CA5B: variants seen among roughly 807,000 people sequenced by gnomAD.
The protein encoded by CA5B is carbonic anhydrase 5B, mitochondrial.
CA5B carries 15 observed loss-of-function variants against 23.1 expected under a neutral mutation model. The ratio of observed to expected loss-of-function variants is 0.65; its 90% CI spans 0.43 to 1.00. The LOEUF (loss-of-function observed/expected upper bound fraction) is 1.00. CA5B is among the 50% of genes least tolerant of loss of function. The pLI is 0.00. For missense variants in CA5B, 236 were observed against 252.2 expected (o/e 0.94, Z 0.43); for synonymous variants, 84 against 98.5 (o/e 0.85, Z 0.87).
At chrX:15,772,112 CTG>C (rs1931831968) in intron 3 of CA5B, among the ~76,000 whole-genome samples, 1 of 111,994 alleles carries the variant, frequency 8.9e-6, no homozygotes, top group Admixed American at 9.5e-5. Context: ...AGCAAAGTGT[CTG>C]TGCATAAAAA....
chrX:15,756,209 T>C (rs754129033), intron 2 of CA5B, among the ~76,000 whole-genome samples: 1 of 112,568 alleles, frequency 8.9e-6, no homozygotes, highest in African/African-American at 3.2e-5. Context: ...TAGGTGAACC[T>C]AAGAAGTGTT....
At chrX:15,739,119 T>C (rs1228707628) in intron 1 of CA5B, among the ~76,000 whole-genome samples, 2 of 112,355 alleles carry the variant, frequency 1.8e-5, no homozygotes, top group Admixed American at 1.9e-4. Flanking sequence ...TCAGTGCCCT[T>C]CCCTCCTGTG....
At chrX:15,777,618 C>T (rs773922100) in intron 7 of CA5B, among the ~76,000 whole-genome samples, 3 of 111,826 alleles carry the variant, frequency 2.7e-5, no homozygotes, top group Non-Finnish European at 5.6e-5. Flanking sequence ...AAGAAATATA[C>T]ACTTTGTCCA....
intron 2 of CA5B, chrX:15,750,432 G>T (rs184104797): frequency 8.0e-6 from 2 of 249,867 alleles, no homozygotes; most frequent in East Asian, 1.3e-4. Flanking sequence ...GTTCTTTCTT[G>T]ACTAATTTTA....
At chrX:15,770,668 G>A (rs1931798939) in intron 3 of CA5B, among the ~76,000 whole-genome samples, 1 of 110,993 alleles carries the variant, frequency 9.0e-6, no homozygotes, top group Admixed American at 9.6e-5. Context: ...TCTTGCTGAG[G>A]TTACCAGTGA....
intron 1 of CA5B, among the ~76,000 whole-genome samples, chrX:15,740,802 G>A (rs1045558647): frequency 3.7e-4 from 42 of 112,648 alleles, no homozygotes; most frequent in Non-Finnish European, 6.8e-4. Context: ...ACGCCTGTAC[G>A]CCTGTAATCC....
intron 7 of CA5B, among the ~76,000 whole-genome samples, chrX:15,781,323 A>G (rs1484923150): frequency 3.6e-5 from 4 of 111,996 alleles, no homozygotes; most frequent in Non-Finnish European, 7.5e-5. Flanking sequence ...CCAAGGGGCT[A>G]CTGGTTGATA....
At chrX:15,774,113 T>C (rs1279099437) in intron 4 of CA5B, among the ~76,000 whole-genome samples, 189 bp from the exon 5 acceptor site, 3 of 111,991 alleles carry the variant, frequency 2.7e-5, no homozygotes, top group Non-Finnish European at 3.8e-5. Flanking sequence ...TAATATTAAT[T>C]GCTGCTCTTG....
chrX:15,774,328 C>G lies in CA5B; in HGVS notation c.486C>G (p.Val162=). The change falls in exon 5 of 8, where the codon GTC becomes GTG. Residue 162 remains valine, a synonymous_variant. Coordinates refer to ENST00000318636, the MANE Select transcript of CA5B (RefSeq NM_007220.4). ...TGCACTTAGTGCATTGGAACGCAGT[C>G]AGATTTGAAAACTTTGAGGATGCAG... The part of the protein sequence containing the change: ...AELHLVHWNA[V]RFENFEDAAL... The G allele has an allele frequency of 1.7e-6, 2 of 1,209,668 alleles. No homozygotes were observed. The highest frequency in any genetic ancestry group is 1.7e-5 in the African/African-American group (1 of 57,338).
rs566336394 is a variant in CA5B, at chrX:15,752,320, C to G, written c.142+2155C>G. Among the ~76,000 whole-genome samples, 7 of 111,602 alleles carry G rather than the reference C, an allele frequency of 6.3e-5. No homozygotes were observed. The South Asian group carries it at 2.6e-3, about 41-fold the overall frequency. Reference sequence around the variant, plus strand: ...ACTTTCCAAGCTGACTTTGGCATAACATTACAAGACAAAGAAGAAAATCAA... The same window carrying G: ...ACTTTCCAAGCTGACTTTGGCATAAGATTACAAGACAAAGAAGAAAATCAA... On this transcript the variant is annotated intron_variant, in intron 2 of 7. Transcript: ENST00000318636.
intron 6 of CA5B, among the ~76,000 whole-genome samples, chrX:15,776,513 T>C (rs767884915): frequency 7.6e-4 from 84 of 111,119 alleles, no homozygotes; most frequent in Non-Finnish European, 7.4e-4. Context: ...ATATAAAAAA[T>C]GCACAGTTAA....
In CA5B at chrX:15,754,806, C is replaced by A. The variant is rs1204939172; in HGVS notation, c.142+4641C>A. On this transcript the variant is annotated intron_variant, in intron 2 of 7. Transcript: ENST00000318636. ...TCCAATGATTCTTAATGTTGATGAT[C>A]TCCGTACTTGTAGAAGAAAGATAAA... 8.9e-5 allele frequency among the ~76,000 whole-genome samples: 10 copies of A among 112,155 alleles called. No homozygotes were observed. The East Asian group carries it at 2.8e-3, about 31-fold the overall frequency.
chrX:15,754,974 A>G (rs1931459206), intron 2 of CA5B, among the ~76,000 whole-genome samples: 2 of 112,385 alleles, frequency 1.8e-5, no homozygotes, highest in Admixed American at 9.4e-5. Context: ...GGACATTTCT[A>G]TCATCAGAGA....
chrX:15,740,924 C>G (rs755361517), intron 1 of CA5B, among the ~76,000 whole-genome samples: 1 of 111,035 alleles, frequency 9.0e-6, no homozygotes, highest in African/African-American at 3.3e-5. Context: ...ATTAGCTGGA[C>G]GTGGTGGTAC....
At chrX:15,762,668 G>A (rs1931628186) in intron 2 of CA5B, 1 of 293,599 alleles carries the variant, frequency 3.4e-6, no homozygotes, top group Non-Finnish European at 6.8e-6. Context: ...ATCCGCCAAA[G>A]TGCTGGGATT....
intron 3 of CA5B, among the ~76,000 whole-genome samples, chrX:15,766,370 A>T (rs1931710237): frequency 9.1e-6 from 1 of 110,268 alleles, no homozygotes; most frequent in Non-Finnish European, 1.9e-5. Context: ...CATGATTCAG[A>T]AGGTATTTGA....
At chrX:15,765,321 A>T (rs1201302006) in intron 3 of CA5B, 1 of 332,829 alleles carries the variant, frequency 3.0e-6, no homozygotes, top group Admixed American at 9.3e-5. Flanking sequence ...GTTTAAAAGA[A>T]ACACAATTTA....
intron 7 of CA5B, among the ~76,000 whole-genome samples, chrX:15,779,641 T>A (rs1438545501): frequency 9.0e-6 from 1 of 111,342 alleles, no homozygotes; most frequent in Non-Finnish European, 1.9e-5. Flanking sequence ...GGGAAAAAAA[T>A]TGGATCCATC....
At position 15,775,269 on chromosome X, in the gene CA5B, A is replaced by G; in HGVS notation, c.579A>G (p.Leu193=). Residue 193 remains leucine (L), a synonymous_variant, in exon 6 of 8, where the codon CTA becomes CTG. Coordinates refer to ENST00000318636, the MANE Select transcript of CA5B (RefSeq NM_007220.4). ...AGCTAGGCAAACATCATAAGGAGCT[A>G]CAGAAATTAGTGGATACTTTGCCGT... ...FLKLGKHHKE[L]QKLVDTLPSI... is the part of the protein sequence containing the mutation. 1 of 1,201,280 alleles carries G rather than the reference A, an allele frequency of 8.3e-7. No homozygotes were observed. Among genetic ancestry groups the G allele is most frequent in the Non-Finnish European group, 1.1e-6 (1 of 888,518 alleles).
Sources: gnomAD v4.1 joint callset for allele counts (sites outside exome capture counted in the v4.1 genomes callset) on GRCh38, gnomAD v4.1.1 for gene constraint, MANE v1.5 for transcripts, NCBI Gene and HGNC (gene_info 2026-07-23, HGNC 2026-07-21) for gene names.